The following WASHC2C variants were observed in gnomAD, a reference collection of about 807,000 sequenced individuals.
The protein encoded by WASHC2C is Vaccinia Penetration Factor.
A neutral mutation model predicts 142.2 loss-of-function variants in WASHC2C; 73 were observed. That is an observed-to-expected ratio of 0.51 (90% CI 0.43 to 0.62). WASHC2C has a LOEUF of 0.62. Among genes scored for constraint, WASHC2C ranks in the 20% least tolerant of loss-of-function variants. The pLI is 0.00. For missense variants in WASHC2C, 969 were observed against 1,531.7 expected (o/e 0.63, Z 6.13); for synonymous variants, 337 against 565.5 (o/e 0.60, Z 5.73).
chr10:45,762,872 C>CT (rs1202928520), intron 17 of WASHC2C, among the ~76,000 whole-genome samples: 2 of 152,186 alleles, frequency 1.3e-5, no homozygotes, highest in African/African-American at 4.8e-5. Context: ...CACCACTGCA[C>CT]TGCAGCCTGG....
At position 45,759,594 on chromosome 10, in the gene WASHC2C, CGGATACCTGA is replaced by C. The variant is rs2054824154; in HGVS notation, c.1635+196_1635+205del. ...CAGCACTTTGGTAGGCCAAGGCAGG[CGGATACCTGA>C]GGTCAGGAGTTGGAGACCAGGCTGG... is the stretch of plus-strand genomic sequence containing the variant. On this transcript the variant is annotated intron_variant, in intron 17 of 30. Coordinates refer to ENST00000623400, the MANE Select transcript of WASHC2C (RefSeq NM_001330074.2). 6.6e-5 allele frequency among the ~76,000 whole-genome samples: 10 copies of C among 152,068 alleles called. No individual in the cohort carries two copies. The South Asian group carries it at 2.1e-3, about 32-fold the overall frequency.
rs369249518 is a variant in WASHC2C, at chr10:45,746,659, A to G, written c.732+12A>G. 3.9e-5 allele frequency: 63 copies of G among 1,612,910 alleles called. No individual in the cohort carries two copies. Among genetic ancestry groups the G allele is most frequent in the Admixed American group, 3.3e-5 (2 of 59,940 alleles). On this transcript the variant is annotated intron_variant, in intron 8 of 30. Coordinates refer to ENST00000623400, the MANE Select transcript of WASHC2C (RefSeq NM_001330074.2). The stretch of plus-strand genomic sequence containing the variant: ...ATGAACAAAACCAGGTAAGGCTCAT[A>G]TATTGAAATGACTTTGTTTTTACAT...
intron 19 of WASHC2C, among the ~76,000 whole-genome samples, chr10:45,766,313 T>TG (rs1247607517): frequency 1.3e-5 from 2 of 152,200 alleles, no homozygotes; most frequent in East Asian, 1.9e-4. Flanking sequence ...GGGAATAAGC[T>TG]GGGGGGAGCT....
chr10:45,788,758 A>C, intron 28 of WASHC2C, 113 bp from the exon 29 acceptor site: 1 of 1,545,646 alleles, frequency 6.5e-7, no homozygotes, highest in East Asian at 2.2e-5. Context: ...TAATATCTTC[A>C]TTGAAGTAGA....
At chr10:45,784,250 G>GTATATA (rs2057754333) in intron 23 of WASHC2C, among the ~76,000 whole-genome samples, 2 of 22,552 alleles carry the variant, frequency 8.9e-5, no homozygotes, top group African/African-American at 2.4e-4. Flanking sequence ...ATGTGTGTGT[G>GTATATA]TGTATATATA....
At position 45,788,909 on chromosome 10, in the gene WASHC2C, C is replaced by G. The variant is rs1589973930; in HGVS notation, c.3126C>G (p.Thr1042=). The change falls in exon 29 of 31, where the codon ACC becomes ACG. Residue 1042 remains threonine, a synonymous_variant. Transcript: ENST00000623400. The part of the protein sequence containing the change: ...VKMRGKRRPQ[T]RAARRLAAQE... ...TGAGAGGGAAGCGTAGACCGCAGAC[C>G]CGTGCAGCTAGGCGGCTGGCTGCTC... 6.2e-7 allele frequency: 1 copy of G among 1,611,980 alleles called. No homozygotes were observed.
chr10:45,729,455 A>G (rs1354350185), intron 3 of WASHC2C, among the ~76,000 whole-genome samples: 51 of 152,232 alleles, frequency 3.4e-4, no homozygotes, highest in Admixed American at 3.3e-3. Context: ...TCTGCTTGCA[A>G]TATTCTCAAC....
At chr10:45,756,712 G>C (rs1469206312) in intron 15 of WASHC2C, among the ~76,000 whole-genome samples, 28 of 152,082 alleles carry the variant, frequency 1.8e-4, no homozygotes, top group Admixed American at 1.8e-3. Flanking sequence ...TCTTCCTCTA[G>C]ATCTCTCTTC....
Position 45,789,470 on chromosome 10 carries a change from A to C in WASHC2C, c.3687A>C (p.Leu1229Phe). 1 of 1,612,068 alleles carries C rather than the reference A, an allele frequency of 6.2e-7. No homozygotes were observed. Among genetic ancestry groups the C allele is most frequent in the Admixed American group, 1.7e-5 (1 of 60,030 alleles). ...CCAGTAGTCAGCAGGATGTCATATTAACAACACAAGATATTTTTGAGGTAA... is the reference window on the plus strand; with the variant it reads ...CCAGTAGTCAGCAGGATGTCATATTCACAACACAAGATATTTTTGAGGTAA... ...TKSSSQQDVILTTQDIFEDDI... is the reference protein window; with the variant it reads ...TKSSSQQDVIFTTQDIFEDDI... Residue 1229 changes from leucine (L) to phenylalanine (F), a missense_variant, in exon 29 of 31, where the codon TTA becomes TTC. Physicochemically the swap from Leu to Phe is conservative, Grantham distance 22. Transcript: ENST00000623400.
At chr10:45,775,795 C>G (rs1188667253) in intron 21 of WASHC2C, among the ~76,000 whole-genome samples, 1 of 151,768 alleles carries the variant, frequency 6.6e-6, no homozygotes, top group East Asian at 2.0e-4. Context: ...CATTCTGCCT[C>G]AGCCTCCCTA....
In WASHC2C at chr10:45,792,427, C is replaced by G; in HGVS notation, c.*27C>G. ...GCACACAGGGTATCCACATGTTACC[C>G]TGCAGCTACATTGTTGAGTTAGTGA... On this transcript the variant is annotated 3_prime_UTR_variant, in exon 31 of 31. Coordinates refer to ENST00000623400, the MANE Select transcript of WASHC2C (RefSeq NM_001330074.2). 6.4e-7 allele frequency: 1 copy of G among 1,562,084 alleles called. No homozygotes were observed. Among genetic ancestry groups the G allele is most frequent in the African/African-American group, 1.4e-5 (1 of 72,704 alleles).
chr10:45,788,642 A>G (rs1323367862), intron 28 of WASHC2C, among the ~76,000 whole-genome samples: 1 of 152,212 alleles, frequency 6.6e-6, no homozygotes, highest in Non-Finnish European at 1.5e-5. Flanking sequence ...AGATTAAAAA[A>G]TGGAGAACTC....
chr10:45,743,003 T>A (rs1200660414), intron 5 of WASHC2C, among the ~76,000 whole-genome samples: 1 of 151,686 alleles, frequency 6.6e-6, no homozygotes, highest in African/African-American at 2.4e-5. Context: ...GCCTCCCGAG[T>A]AGCTAGGATG....
rs1243839568 is a variant in WASHC2C, at chr10:45,750,124, A to G, written c.761A>G (p.Glu254Gly). ...ACCACACAAATGAGTGATGAGGAAGAGGATGATGATGGCTGTGACCTTTTT... is the reference window on the plus strand; with the variant it reads ...ACCACACAAATGAGTGATGAGGAAGGGGATGATGATGGCTGTGACCTTTTT... ...QHTTQMSDEE[E>G]DDDGCDLFAD... The change falls in exon 9 of 31, where the codon GAG becomes GGG. Residue 254 changes from glutamate (E) to glycine (G), a missense_variant. Coordinates refer to ENST00000623400, the MANE Select transcript of WASHC2C (RefSeq NM_001330074.2). 6.2e-7 allele frequency: 1 copy of G among 1,611,280 alleles called. No homozygotes were observed. Among genetic ancestry groups the G allele is most frequent in the Non-Finnish European group, 8.5e-7 (1 of 1,179,738 alleles).
intron 8 of WASHC2C, 137 bp downstream of exon 8, chr10:45,746,784 T>G: frequency 7.8e-7 from 1 of 1,274,368 alleles, no homozygotes; most frequent in Non-Finnish European, 1.1e-6. Context: ...TTTAAGCATT[T>G]CATGTATTTA....
chr10:45,782,435 T>TA (rs71520979), intron 23 of WASHC2C, among the ~76,000 whole-genome samples: 3,835 of 87,326 alleles, frequency 0.044, 62 homozygotes, highest in African/African-American at 0.057. Flanking sequence ...AGGACCATAA[T>TA]AAAAAAAAAA....
chr10:45,727,456 T>C lies in WASHC2C; in HGVS notation c.43T>C (p.Ser15Pro), dbSNP rs1165052967. The C allele has an allele frequency of 1.2e-6, 2 of 1,610,326 alleles. No homozygotes were observed. Among genetic ancestry groups the C allele is most frequent in the South Asian group, 2.2e-5 (2 of 90,862 alleles). Residue 15 changes from serine to proline, a missense_variant, in exon 2 of 31, where the codon TCG (serine) becomes CCG (proline). By Grantham distance (74) the Ser-to-Pro change is moderately conservative (BLOSUM62 -1). Coordinates refer to ENST00000623400, the MANE Select transcript of WASHC2C (RefSeq NM_001330074.2). ...TTPDQELVPA[S>P]EPVWERPWSV... ...CCCCGACCAGGAGCTGGTGCCGGCG[T>C]CGGAGCCCGTGTGGGAGCGGCCGTG... is the stretch of plus-strand genomic sequence containing the variant.
At chr10:45,730,915 G>T (rs1362735381) in intron 3 of WASHC2C, among the ~76,000 whole-genome samples, 3 of 151,522 alleles carry the variant, frequency 2.0e-5, no homozygotes, top group African/African-American at 7.3e-5. Flanking sequence ...CACGGCGCCC[G>T]GCAAGGGAAG....
At chr10:45,780,843 TC>T (rs1184987273) in intron 23 of WASHC2C, among the ~76,000 whole-genome samples, 1 of 150,910 alleles carries the variant, frequency 6.6e-6, no homozygotes, top group Non-Finnish European at 1.5e-5. Context: ...AACCTTTGCC[TC>T]CCGGGTTCAA....
Sources: gnomAD v4.1 joint callset for allele counts (sites outside exome capture counted in the v4.1 genomes callset) on GRCh38, gnomAD v4.1.1 for gene constraint, MANE v1.5 for transcripts, NCBI Gene and HGNC (gene_info 2026-07-23, HGNC 2026-07-21) for gene names.